Variants in SGCD observed in about 807,000 individuals in gnomAD.
The protein encoded by SGCD is delta-sarcoglycan.
Under a neutral mutation model 36.6 loss-of-function variants are expected in SGCD, and 18 were observed. The observed-to-expected ratio is 0.49, with a 90% confidence interval of 0.34 to 0.73. The LOEUF is 0.73. Among genes scored for constraint, SGCD ranks in the 30% least tolerant of loss-of-function variants. The pLI, the probability that SGCD is intolerant of heterozygous loss-of-function variation, is 0.01. For missense variants in SGCD, 387 were observed against 346.7 expected (o/e 1.12, Z -0.92); for synonymous variants, 133 against 130.6 (o/e 1.02, Z -0.12).
intron 7 of SGCD, among the ~76,000 whole-genome samples, chr5:156,656,859 A>G (rs1161560336): frequency 1.3e-5 from 2 of 152,124 alleles, no homozygotes; most frequent in African/African-American, 4.8e-5. Flanking sequence ...TATTACTCCC[A>G]CTATTATGCA....
chr5:156,764,357 T>G lies in SGCD; in HGVS notation c.*4967T>G, dbSNP rs1271484076. On this transcript the variant is annotated 3_prime_UTR_variant, in exon 9 of 9. Transcript: ENST00000337851. ...TAAAATTATACAGTTGCCTCTGAAT[T>G]TCTCATGCACAAAGCCAAACCACTG... is the stretch of plus-strand genomic sequence containing the variant. 3 of 152,630 alleles carry G rather than the reference T, an allele frequency of 2.0e-5. No homozygotes were observed. In the East Asian group the frequency reaches 5.8e-4, roughly 29 times the overall value. 9.5% of individuals were successfully genotyped at this position (152,630 alleles called of 1,614,324 possible).
chr5:156,402,033 G>A (rs1298868214), intron 3 of SGCD, among the ~76,000 whole-genome samples: 1 of 152,142 alleles, frequency 6.6e-6, no homozygotes, highest in Non-Finnish European at 1.5e-5. Context: ...GCATTTTTGT[G>A]TCTGGCTTAT....
At chr5:155,736,427 A>C in the SGCD span, among the ~76,000 whole-genome samples, 1 of 152,162 alleles carries the variant, frequency 6.6e-6, no homozygotes, top group Non-Finnish European at 1.5e-5. Context: ...TCTAAGGGTC[A>C]AGTGCAAGGC....
chr5:156,388,477 T>G (rs934442850), intron 3 of SGCD, among the ~76,000 whole-genome samples: 1 of 152,200 alleles, frequency 6.6e-6, no homozygotes, highest in African/African-American at 2.4e-5. Context: ...GTTATTTCAT[T>G]TGCAAGGGCC....
At chr5:156,707,667 G>C (rs1049594641) in intron 7 of SGCD, among the ~76,000 whole-genome samples, 1 of 152,116 alleles carries the variant, frequency 6.6e-6, no homozygotes, top group African/African-American at 2.4e-5. Flanking sequence ...TGTTGGAGTA[G>C]ATCACTGGAC....
chr5:156,217,752 A>G (rs1283648613), intron 3 of SGCD, among the ~76,000 whole-genome samples: 3 of 152,146 alleles, frequency 2.0e-5, no homozygotes, highest in Admixed American at 2.0e-4. Context: ...TAGTATTTTG[A>G]TCCATATATA....
rs534575956 is a variant in SGCD, at chr5:156,264,429, G to A, written c.-43-65105G>A. Among the ~76,000 whole-genome samples, 5 of 151,960 alleles carry A rather than the reference G, an allele frequency of 3.3e-5. No homozygotes were observed. In the South Asian group the frequency reaches 8.3e-4, roughly 25 times the overall value. On this transcript the variant is annotated intron_variant, in intron 3 of 9. Transcript: ENST00000517913. ...ATATAGAAATTATATGTGCTGAAAG[G>A]GAATATATACAAAATTTTCATAAAT...
chr5:156,254,116 A>G, intron 3 of SGCD, among the ~76,000 whole-genome samples: 1 of 152,136 alleles, frequency 6.6e-6, no homozygotes, highest in East Asian at 1.9e-4. Flanking sequence ...ATGCCTAGAA[A>G]TCCGATACAA....
chr5:156,278,748 T>C (rs1409810003), intron 3 of SGCD, among the ~76,000 whole-genome samples: 1 of 152,212 alleles, frequency 6.6e-6, no homozygotes, highest in African/African-American at 2.4e-5. Context: ...TATAACATAG[T>C]TAACTTTTCA....
chr5:156,016,553 C>A (rs1758983749), intron 1 of SGCD, among the ~76,000 whole-genome samples: 1 of 152,074 alleles, frequency 6.6e-6, no homozygotes, highest in Non-Finnish European at 1.5e-5. Flanking sequence ...TTGTTGGTTT[C>A]TGATTTACTC....
At chr5:156,288,920 C>G (rs1428045705) in intron 3 of SGCD, among the ~76,000 whole-genome samples, 1 of 152,016 alleles carries the variant, frequency 6.6e-6, no homozygotes, top group Non-Finnish European at 1.5e-5. Context: ...ATATAAAGTG[C>G]AGGAAATTAT....
chr5:155,871,984 A>C (rs1054574052), intron 1 of SGCD, among the ~76,000 whole-genome samples: 3 of 152,242 alleles, frequency 2.0e-5, no homozygotes, highest in Non-Finnish European at 4.4e-5. Flanking sequence ...CTGTTTGCCA[A>C]GGCAAGAAAT....
At chr5:156,350,533 A>G (rs1369469826) in intron 3 of SGCD, among the ~76,000 whole-genome samples, 20 of 152,078 alleles carry the variant, frequency 1.3e-4, no homozygotes, top group Admixed American at 1.3e-3. Context: ...TTTCCAGTAA[A>G]GCAATCTGGA....
At chr5:156,148,845 A>G (rs1041659785) in intron 3 of SGCD, among the ~76,000 whole-genome samples, 3 of 152,164 alleles carry the variant, frequency 2.0e-5, no homozygotes, top group African/African-American at 7.2e-5. Context: ...GGGTCTGGAA[A>G]GTTTTCTCTA....
chr5:156,523,738 T>C (rs142282144), intron 4 of SGCD, among the ~76,000 whole-genome samples: 1 of 152,050 alleles, frequency 6.6e-6, no homozygotes, highest in Non-Finnish European at 1.5e-5. Context: ...TTTTGAAAAC[T>C]TCATACTTTA....
chr5:156,145,320 C>T (rs1762684858), intron 3 of SGCD, among the ~76,000 whole-genome samples: 1 of 152,298 alleles, frequency 6.6e-6, no homozygotes, highest in Non-Finnish European at 1.5e-5. Context: ...TTTGCTGAGG[C>T]CTCCGCAGAA....
intron 3 of SGCD, among the ~76,000 whole-genome samples, chr5:156,432,759 A>C (rs1753077761): frequency 1.3e-5 from 2 of 152,148 alleles, no homozygotes; most frequent in Admixed American, 1.3e-4. Flanking sequence ...GCAGGCTGTG[A>C]TAGGTCCCAC....
chr5:156,241,267 T>C (rs1173996384), intron 3 of SGCD, among the ~76,000 whole-genome samples: 1 of 149,838 alleles, frequency 6.7e-6, no homozygotes, highest in Admixed American at 6.6e-5. Context: ...TGTGTGTGTG[T>C]GTGTGTGTGT....
At position 156,456,020 on chromosome 5, in the gene SGCD, A is replaced by G. The variant is rs2127811530; in HGVS notation, c.193-52581A>G. On this transcript the variant is annotated intron_variant, in intron 3 of 8. Transcript: ENST00000337851. ...GGTCCTGCTGACACCTTGATTTCAG[A>G]CCTCCAGTCCCCAAAACTGTGAAAG... Among the ~76,000 whole-genome samples the G allele has an allele frequency of 2.0e-5, 3 of 152,168 alleles. No individual in the cohort carries two copies. The Middle Eastern group carries it at 0.01, about 518-fold the overall frequency.
Sources: gnomAD v4.1 joint callset for allele counts (sites outside exome capture counted in the v4.1 genomes callset) on GRCh38, gnomAD v4.1.1 for gene constraint, MANE v1.5 for transcripts, NCBI Gene and HGNC (gene_info 2026-07-23, HGNC 2026-07-21) for gene names.